SUSD4: variants seen among roughly 807,000 people sequenced by gnomAD.
SUSD4 encodes sushi domain-containing protein 4.
Under a neutral mutation model 50.5 loss-of-function variants are expected in SUSD4, and 41 were observed. That is an observed-to-expected ratio of 0.81 (90% CI 0.63 to 1.05). The LOEUF (loss-of-function observed/expected upper bound fraction) is 1.05. Among genes scored for constraint, SUSD4 ranks in the 50% least tolerant of loss-of-function variants. SUSD4 has a pLI of 0.00. For synonymous variants in SUSD4, 257 were observed against 257.3 expected (o/e 1.00, Z 0.01); for missense variants, 580 against 634.7 (o/e 0.91, Z 0.93).
intron 2 of SUSD4, among the ~76,000 whole-genome samples, chr1:223,347,310 T>C (rs1195108073): frequency 6.6e-6 from 1 of 152,194 alleles, no homozygotes; most frequent in Non-Finnish European, 1.5e-5. Context: ...TTCTTTCCAA[T>C]AGTACATTTT....
intron 2 of SUSD4, among the ~76,000 whole-genome samples, chr1:223,336,132 T>A (rs950309943): frequency 5.3e-5 from 8 of 152,196 alleles, no homozygotes; most frequent in African/African-American, 1.9e-4. Context: ...TTTGTGTTTT[T>A]TAGTAGATAC....
At chr1:223,244,538 G>A (rs768981580) in intron 5 of SUSD4, among the ~76,000 whole-genome samples, 3 of 152,206 alleles carry the variant, frequency 2.0e-5, no homozygotes, top group Non-Finnish European at 2.9e-5. Flanking sequence ...GGCAGGTCAC[G>A]TGGGGATGTC....
intron 2 of SUSD4, among the ~76,000 whole-genome samples, chr1:223,340,693 C>A (rs1049850067): frequency 3.3e-5 from 5 of 152,154 alleles, no homozygotes; most frequent in African/African-American, 2.4e-5. Flanking sequence ...AGCTCTTTCC[C>A]ACAGGAGGGG....
chr1:223,276,216 G>A (rs1663258171), intron 3 of SUSD4, among the ~76,000 whole-genome samples: 1 of 152,244 alleles, frequency 6.6e-6, no homozygotes, highest in Non-Finnish European at 1.5e-5. Flanking sequence ...TTGGTGTTCA[G>A]GGTTGCTAAC....
chr1:223,240,193 G>C (rs1191765019), intron 5 of SUSD4, among the ~76,000 whole-genome samples: 1 of 151,838 alleles, frequency 6.6e-6, no homozygotes, highest in African/African-American at 2.4e-5. Flanking sequence ...TTTTTCCTTG[G>C]CTTCTTTCAG....
rs193289012 is a variant in SUSD4 at position 223,289,139 on chromosome 1, C to T, written c.361+3300G>A. ...TGTACTTACTAGGTCAGCAGCCCTG[C>T]GCCCACGGGGTGTATTTTCAGTCCT... is the stretch of plus-strand genomic sequence containing the variant. On this transcript the variant is annotated intron_variant, in intron 3 of 8. Transcript: ENST00000366878. 1.5e-5 allele frequency: 15 copies of T among 985,446 alleles called. No individual in the cohort carries two copies. In the Admixed American group the frequency reaches 1.8e-4, roughly 12 times the overall value. The allele number at this position is 985,446 out of a possible 1,614,324, so 61.0% of individuals were successfully genotyped here.
intron 5 of SUSD4, among the ~76,000 whole-genome samples, chr1:223,237,505 C>A (rs1043552831): frequency 2.0e-5 from 3 of 151,790 alleles, no homozygotes; most frequent in Non-Finnish European, 1.5e-5. Flanking sequence ...ATTCTTTATA[C>A]GGTTGAGGAT....
In SUSD4 at chr1:223,302,052, C is replaced by T. The variant is rs954176977; in HGVS notation, c.149-9401G>A. Among the ~76,000 whole-genome samples the T allele has an allele frequency of 2.0e-5, 3 of 152,150 alleles. No individual in the cohort carries two copies. The East Asian group carries it at 5.8e-4, about 29-fold the overall frequency. The stretch of plus-strand genomic sequence containing the variant: ...ATGGGGGTGGTTTCTAATGGTTTAG[C>T]ACCATCCCCCTAGTGCTGTCTCCTG... On this transcript the variant is annotated intron_variant, in intron 2 of 8. Transcript: ENST00000366878.
chr1:223,275,562 T>G (rs1041741928), intron 3 of SUSD4, among the ~76,000 whole-genome samples: 2 of 152,210 alleles, frequency 1.3e-5, no homozygotes, highest in African/African-American at 2.4e-5. Flanking sequence ...GCTCTGCTCA[T>G]AGAGTGCACA....
intron 2 of SUSD4, among the ~76,000 whole-genome samples, chr1:223,352,311 T>C (rs1350657591): frequency 6.6e-6 from 1 of 152,198 alleles, no homozygotes; most frequent in Non-Finnish European, 1.5e-5. Context: ...AAGAGCTCTC[T>C]GTGTGCTCAT....
intron 2 of SUSD4, among the ~76,000 whole-genome samples, chr1:223,303,106 T>C (rs1212978181): frequency 6.6e-6 from 1 of 152,040 alleles, no homozygotes; most frequent in African/African-American, 2.4e-5. Flanking sequence ...TACGGTGTGA[T>C]TGTGCCACTA....
intron 2 of SUSD4, among the ~76,000 whole-genome samples, chr1:223,298,566 TAACA>T (rs1446543737): frequency 6.6e-6 from 1 of 152,152 alleles, no homozygotes; most frequent in Non-Finnish European, 1.5e-5. Flanking sequence ...CACCCTCTGC[TAACA>T]AACAAGGCGT....
chr1:223,338,186 T>C (rs1302765329), intron 2 of SUSD4, among the ~76,000 whole-genome samples: 1 of 152,156 alleles, frequency 6.6e-6, no homozygotes, highest in African/African-American at 2.4e-5. Flanking sequence ...AAATTAACCA[T>C]CGCTTCATAA....
intron 2 of SUSD4, among the ~76,000 whole-genome samples, chr1:223,298,174 A>G (rs985708727): frequency 6.6e-6 from 1 of 151,656 alleles, no homozygotes; most frequent in African/African-American, 2.4e-5. Flanking sequence ...ATGGATAAAC[A>G]GATAGATGAA....
intron 3 of SUSD4, among the ~76,000 whole-genome samples, chr1:223,276,907 GA>G (rs34340063): frequency 0.32 from 48,092 of 150,612 alleles, 8,503 homozygotes; most frequent in Non-Finnish European, 0.41. Flanking sequence ...ATGCACATGA[GA>G]AAAAAAAAAT....
Position 223,229,165 on chromosome 1 carries a change from A to G in SUSD4, c.916+32T>C. On this transcript the variant is annotated intron_variant, in intron 6 of 8. Transcript: ENST00000366878. This position sits in a 1 kb window ranked among gnomAD's most constrained non-coding sequence, Gnocchi z 4.7. ...TGTGCAGATGGTCCAAGGAGGGTCC[A>G]TCTCCTCCAAGGGTGAGGCCTTCAG... is the stretch of plus-strand genomic sequence containing the variant. The G allele has an allele frequency of 1.3e-6, 2 of 1,574,532 alleles. No individual in the cohort carries two copies. Among genetic ancestry groups the G allele is most frequent in the South Asian group, 2.3e-5 (2 of 87,588 alleles).
At chr1:223,267,126 G>A (rs762800881) in intron 4 of SUSD4, among the ~76,000 whole-genome samples, 1 of 152,220 alleles carries the variant, frequency 6.6e-6, no homozygotes. Context: ...TGAGGAAGGG[G>A]AGGTGGAGAA....
At chr1:223,282,345 G>A (rs1047332037) in intron 3 of SUSD4, among the ~76,000 whole-genome samples, 17 of 152,242 alleles carry the variant, frequency 1.1e-4, no homozygotes, top group African/African-American at 3.4e-4. Flanking sequence ...AAACCCCATC[G>A]TCTCAGCCCA....
intron 5 of SUSD4, among the ~76,000 whole-genome samples, chr1:223,240,137 A>G (rs1660480879): frequency 6.6e-6 from 1 of 152,186 alleles, no homozygotes; most frequent in African/African-American, 2.4e-5. Context: ...GTTTCTGAGA[A>G]GAAGTCAGAT....
Sources: gnomAD v4.1 joint callset for allele counts (sites outside exome capture counted in the v4.1 genomes callset) on GRCh38, gnomAD v4.1.1 for gene constraint, Gnocchi (gnomAD v3.1) non-coding constraint, MANE v1.5 for transcripts, NCBI Gene and HGNC (gene_info 2026-07-23, HGNC 2026-07-21) for gene names.